The following RUNDC3B variants were observed in gnomAD, a reference collection of about 807,000 sequenced individuals.
RUNDC3B encodes the protein RUN domain-containing protein 3B.
In RUNDC3B, 33 loss-of-function variants were observed where a neutral mutation model predicts 58.4. That is an observed-to-expected ratio of 0.56 (90% CI 0.43 to 0.75). The LOEUF (loss-of-function observed/expected upper bound fraction) is 0.75. Ranked by LOEUF, RUNDC3B falls within the 30% of genes least tolerant of loss-of-function variation. The pLI, the probability that RUNDC3B is intolerant of heterozygous loss-of-function variation, is 0.00. For missense variants in RUNDC3B, 501 were observed against 535.7 expected, an observed-to-expected ratio of 0.94 and a Z score of 0.64; for synonymous variants, 193 against 195.2, an observed-to-expected ratio of 0.99 and a Z score of 0.10.
Position 87,743,279 on chromosome 7 carries a change from G to A in RUNDC3B, c.629+1700G>A, listed in dbSNP as rs542495074. ...GCGAATTGTGCTGCTATAAACATGC[G>A]TGTGCAAGTATCTTTTTCAAATAAT... On this transcript the variant is annotated intron_variant, in intron 6 of 10. Transcript: ENST00000394654. 3.3e-5 allele frequency among the ~76,000 whole-genome samples: 5 copies of A among 152,280 alleles called. No individual in the cohort carries two copies. The South Asian group carries it at 8.3e-4, about 25-fold the overall frequency.
chr7:87,749,663 T>TC (rs2130828115), intron 6 of RUNDC3B, among the ~76,000 whole-genome samples: 1 of 151,880 alleles, frequency 6.6e-6, no homozygotes, highest in East Asian at 1.9e-4. Flanking sequence ...CATCAGTCCC[T>TC]CCCCCCACAT....
rs556223434 is a variant in RUNDC3B at position 87,800,215 on chromosome 7, G to A, written c.957-7158G>A. On this transcript the variant is annotated intron_variant, in intron 8 of 10. Coordinates refer to ENST00000394654, the MANE Select transcript of RUNDC3B (RefSeq NM_001134405.2). ...CATGAGCATTGGCACAGCATCTGGG[G>A]TGAGGAAGAAGCAAAGTAGAGGGGA... 1.1e-4 allele frequency among the ~76,000 whole-genome samples: 16 copies of A among 152,274 alleles called. 1 individual carries two copies. In the South Asian group the frequency reaches 3.3e-3, roughly 32 times the overall value.
intron 4 of RUNDC3B, among the ~76,000 whole-genome samples, chr7:87,726,530 C>T (rs1831242695): frequency 6.6e-6 from 1 of 152,162 alleles, no homozygotes; most frequent in Non-Finnish European, 1.5e-5. Context: ...TAGTGTGATG[C>T]CTCCAGCTTT....
chr7:87,634,030 C>T (rs1368042468), intron 1 of RUNDC3B, among the ~76,000 whole-genome samples: 1 of 152,124 alleles, frequency 6.6e-6, no homozygotes, highest in Non-Finnish European at 1.5e-5. Context: ...AAAGGGGAAG[C>T]AGGCAGGTGT....
chr7:87,812,695 G>A (rs1233473677), intron 9 of RUNDC3B, among the ~76,000 whole-genome samples: 3 of 152,156 alleles, frequency 2.0e-5, no homozygotes, highest in Non-Finnish European at 4.4e-5. Context: ...TAGAATGAAT[G>A]ACTCTTACTG....
rs117925987 is a variant in RUNDC3B at position 87,664,181 on chromosome 7, C to G, written c.238+13244C>G. 7.5e-3 allele frequency among the ~76,000 whole-genome samples: 1,142 copies of G among 152,008 alleles called. 8 individuals carry two copies. The highest frequency in any genetic ancestry group is 0.012 in the Non-Finnish European group (829 of 67,958). ...ATTAAATTAAAAATATACAGGGTAGCCAGGCATGGTGGCACACTTCTGTAG... is the reference window on the plus strand; with the variant it reads ...ATTAAATTAAAAATATACAGGGTAGGCAGGCATGGTGGCACACTTCTGTAG... On this transcript the variant is annotated intron_variant, in intron 2 of 10. Coordinates refer to ENST00000394654, the MANE Select transcript of RUNDC3B (RefSeq NM_001134405.2).
intron 3 of RUNDC3B, among the ~76,000 whole-genome samples, chr7:87,702,755 T>G (rs1317821481): frequency 1.3e-5 from 2 of 152,136 alleles, no homozygotes; most frequent in Non-Finnish European, 2.9e-5. Context: ...AAATGTGAAA[T>G]CTCAAATGAT....
chr7:87,748,238 A>G (rs1403542901), intron 6 of RUNDC3B, among the ~76,000 whole-genome samples: 1 of 152,076 alleles, frequency 6.6e-6, no homozygotes, highest in African/African-American at 2.4e-5. Context: ...TCTCCCACAA[A>G]CAGACCTTCA....
At chr7:87,742,384 G>T (rs1478566861) in intron 6 of RUNDC3B, among the ~76,000 whole-genome samples, 2 of 152,082 alleles carry the variant, frequency 1.3e-5, no homozygotes, top group Non-Finnish European at 2.9e-5. Flanking sequence ...AGTCCCCAAA[G>T]TCCACAATAT....
chr7:87,764,904 G>T (rs1195684246), intron 6 of RUNDC3B, among the ~76,000 whole-genome samples: 1 of 151,686 alleles, frequency 6.6e-6, no homozygotes, highest in Non-Finnish European at 1.5e-5. Context: ...ATTTTCCTTT[G>T]GGTAGGAAAT....
intron 3 of RUNDC3B, chr7:87,709,654 T>G: frequency 7.1e-6 from 2 of 281,006 alleles, no homozygotes; most frequent in Non-Finnish European, 5.4e-6. Context: ...GTGAATTCAC[T>G]AGACTTGCAG....
intron 8 of RUNDC3B, among the ~76,000 whole-genome samples, chr7:87,792,205 A>G (rs1436962581): frequency 1.3e-5 from 2 of 152,160 alleles, no homozygotes; most frequent in Admixed American, 1.3e-4. Flanking sequence ...GAGCACTCAG[A>G]TATGTAAAGC....
intron 4 of RUNDC3B, 142 bp downstream of exon 4, chr7:87,710,797 TGTC>T (rs1830003880): frequency 2.0e-6 from 1 of 512,294 alleles, no homozygotes; most frequent in Non-Finnish European, 3.5e-6. Flanking sequence ...ATAAATCCAC[TGTC>T]TTCTTAGGAA....
intron 4 of RUNDC3B, among the ~76,000 whole-genome samples, chr7:87,726,720 A>G (rs74787815): frequency 2.0e-5 from 3 of 152,206 alleles, no homozygotes; most frequent in Admixed American, 6.5e-5. Context: ...CTTCCTATCC[A>G]TGAGCATGGA....
At chr7:87,700,342 G>T (rs186170052) in intron 2 of RUNDC3B, 79 bp from the exon 3 acceptor site, 2 of 1,250,572 alleles carry the variant, frequency 1.6e-6, no homozygotes, top group African/African-American at 3.0e-5. Flanking sequence ...TTATTTTTCA[G>T]AATTTTATTG....
chr7:87,782,762 A>G (rs1835004713), intron 8 of RUNDC3B, among the ~76,000 whole-genome samples: 1 of 151,894 alleles, frequency 6.6e-6, no homozygotes, highest in South Asian at 2.1e-4. Flanking sequence ...TGCCAATGTG[A>G]TTGTGTGATT....
At chr7:87,692,155 A>G (rs77680440) in intron 2 of RUNDC3B, among the ~76,000 whole-genome samples, 1,570 of 152,274 alleles carry the variant, frequency 0.01, 29 homozygotes, top group African/African-American at 0.036. Flanking sequence ...TAAAAAAATA[A>G]CCAACATTAT....
intron 2 of RUNDC3B, among the ~76,000 whole-genome samples, chr7:87,690,822 A>G (rs1414757812): frequency 1.3e-5 from 2 of 152,204 alleles, no homozygotes; most frequent in African/African-American, 4.8e-5. Flanking sequence ...TTTGTTTTAC[A>G]AATGGTAATC....
At chr7:87,717,431 TA>T (rs1405316412) in intron 4 of RUNDC3B, among the ~76,000 whole-genome samples, 4 of 152,044 alleles carry the variant, frequency 2.6e-5, no homozygotes, top group Admixed American at 6.6e-5. Context: ...ATAAAAATAA[TA>T]TTTTTTGGTA....
Sources: gnomAD v4.1 joint callset for allele counts (sites outside exome capture counted in the v4.1 genomes callset) on GRCh38, gnomAD v4.1.1 for gene constraint, MANE v1.5 for transcripts, NCBI Gene and HGNC (gene_info 2026-07-23, HGNC 2026-07-21) for gene names.